CPEB3: variants seen among roughly 807,000 people sequenced by gnomAD.
CPEB3 encodes cytoplasmic polyadenylation element binding protein 3.
In CPEB3, 20 loss-of-function variants were observed where a neutral mutation model predicts 67.2. The ratio of observed to expected loss-of-function variants is 0.30; its 90% confidence interval spans 0.21 to 0.43. The LOEUF is 0.43. CPEB3 is among the 20% of genes least tolerant of loss of function. The probability of loss-of-function intolerance (pLI) is 1.00; values close to 1 mark genes in which losing one functional copy is unlikely to be tolerated. For synonymous variants in CPEB3, 376 were observed against 393.1 expected, an observed-to-expected ratio of 0.96 and a Z score of 0.51; for missense variants, 746 against 968.6, an observed-to-expected ratio of 0.77 and a Z score of 3.05.
At chr10:92,137,733 T>G (rs1463309985) in intron 6 of CPEB3, 2 of 378,882 alleles carry the variant, frequency 5.3e-6, no homozygotes, top group African/African-American at 2.1e-5. Flanking sequence ...GTGCAGTGGC[T>G]CACGCCTGTA....
At chr10:92,054,393 C>T (rs1590039552) in intron 9 of CPEB3, among the ~76,000 whole-genome samples, 1 of 151,872 alleles carries the variant, frequency 6.6e-6, no homozygotes, top group Admixed American at 6.6e-5. Flanking sequence ...ATAACTATTT[C>T]TCATCATTTG....
At chr10:92,285,713 C>T (rs1842500694) in intron 1 of CPEB3, among the ~76,000 whole-genome samples, 1 of 152,148 alleles carries the variant, frequency 6.6e-6, no homozygotes, top group South Asian at 2.1e-4. Flanking sequence ...CATTCTTACC[C>T]AGACCCAAGA....
At chr10:92,277,130 C>G (rs1842027404) in intron 1 of CPEB3, among the ~76,000 whole-genome samples, 1 of 151,980 alleles carries the variant, frequency 6.6e-6, no homozygotes, top group Admixed American at 6.6e-5. Flanking sequence ...TCCTTTCCAG[C>G]AAAAAAAGTT....
intron 8 of CPEB3, among the ~76,000 whole-genome samples, chr10:92,090,856 A>G (rs1029754091): frequency 2.6e-5 from 4 of 152,084 alleles, no homozygotes; most frequent in Non-Finnish European, 5.9e-5. Context: ...TTTGCTTTCT[A>G]TCTTTCATTT....
chr10:92,150,130 C>A (rs563288336), intron 4 of CPEB3, among the ~76,000 whole-genome samples: 37 of 152,284 alleles, frequency 2.4e-4, no homozygotes, highest in Non-Finnish European at 5.1e-4. Flanking sequence ...ATTTACCCAG[C>A]GCAGACCGAC....
chr10:92,202,439 A>C (rs1466508534), intron 2 of CPEB3, among the ~76,000 whole-genome samples: 6 of 151,058 alleles, frequency 4.0e-5, no homozygotes, highest in African/African-American at 1.5e-4. Context: ...CATGCATATA[A>C]TGCAATAACA....
chr10:92,206,696 G>A (rs1351160427), intron 2 of CPEB3, among the ~76,000 whole-genome samples: 1 of 152,010 alleles, frequency 6.6e-6, no homozygotes, highest in African/African-American at 2.4e-5. Flanking sequence ...ATTAATTTTT[G>A]CATATTGAGT....
At chr10:92,176,587 T>G (rs1848229066) in intron 4 of CPEB3, among the ~76,000 whole-genome samples, 1 of 152,274 alleles carries the variant, frequency 6.6e-6, no homozygotes, top group Non-Finnish European at 1.5e-5. Context: ...TCTGCTTTTG[T>G]ACCTATCAAG....
At chr10:92,178,180 A>G (rs1478641024) in intron 4 of CPEB3, among the ~76,000 whole-genome samples, 1 of 140,770 alleles carries the variant, frequency 7.1e-6, no homozygotes, top group East Asian at 2.1e-4. Context: ...TTTTTTTTAG[A>G]TGGAGTCTCA....
intron 8 of CPEB3, among the ~76,000 whole-genome samples, chr10:92,089,149 C>G (rs968692696): frequency 3.3e-5 from 5 of 152,146 alleles, no homozygotes; most frequent in Non-Finnish European, 7.3e-5. Flanking sequence ...CTAGCAAAGT[C>G]ACAATGAATT....
At chr10:92,194,396 G>A (rs989288115) in intron 2 of CPEB3, among the ~76,000 whole-genome samples, 12 of 151,822 alleles carry the variant, frequency 7.9e-5, no homozygotes, top group African/African-American at 2.9e-4. Context: ...CTGAGATCAC[G>A]CCACTGCACT....
chr10:92,121,362 A>T (rs855706), intron 6 of CPEB3, among the ~76,000 whole-genome samples: 107,962 of 146,506 alleles, frequency 0.74, 40,980 homozygotes, highest in African/African-American at 0.91. Context: ...TATATATATA[A>T]AATATATTTT....
chr10:92,176,510 A>C (rs192339767), intron 4 of CPEB3, among the ~76,000 whole-genome samples: 1 of 152,252 alleles, frequency 6.6e-6, no homozygotes, highest in Non-Finnish European at 1.5e-5. Flanking sequence ...CATGCCTTCC[A>C]GCCTGCTTCA....
intron 1 of CPEB3, chr10:92,243,193 T>C (rs1851921575): frequency 1.3e-5 from 2 of 152,088 alleles, no homozygotes; most frequent in Non-Finnish European, 1.5e-5. Context: ...TTTTTAAGAA[T>C]CGATAAAATT....
intron 4 of CPEB3, among the ~76,000 whole-genome samples, chr10:92,159,620 C>G (rs867646708): frequency 6.7e-6 from 1 of 149,020 alleles, no homozygotes; most frequent in Admixed American, 6.7e-5. Context: ...TGCAGTGAGC[C>G]GAGATCATGC....
chr10:92,186,205 C>CA (rs1848679603), intron 3 of CPEB3, among the ~76,000 whole-genome samples: 1 of 135,440 alleles, frequency 7.4e-6, no homozygotes, highest in Non-Finnish European at 1.6e-5. Flanking sequence ...AACCCTGTCT[C>CA]CACAAAAAAA....
intron 4 of CPEB3, among the ~76,000 whole-genome samples, chr10:92,169,558 T>C (rs910632866): frequency 7.2e-5 from 11 of 152,348 alleles, no homozygotes; most frequent in African/African-American, 2.6e-4. Context: ...CAAGGACCCA[T>C]GGCCCCAAAT....
chr10:92,161,294 A>G (rs1188834816), intron 4 of CPEB3, among the ~76,000 whole-genome samples: 1 of 151,678 alleles, frequency 6.6e-6, no homozygotes, highest in Non-Finnish European at 1.5e-5. Flanking sequence ...TTTTTGAGAC[A>G]GAGTTTCGCC....
intron 9 of CPEB3, among the ~76,000 whole-genome samples, chr10:92,072,239 C>T (rs1590073995): frequency 6.6e-6 from 1 of 152,160 alleles, no homozygotes; most frequent in East Asian, 1.9e-4. Context: ...TCTTGACTAA[C>T]ATCCAACCAG....
Sources: allele counts gnomAD v4.1 joint callset (sites outside exome capture counted in the v4.1 genomes callset), GRCh38; gene constraint gnomAD v4.1.1; transcripts MANE v1.5; gene names NCBI Gene and HGNC (gene_info 2026-07-23, HGNC 2026-07-21).